NTAQ1: variants seen among roughly 807,000 people sequenced by gnomAD.
The protein encoded by NTAQ1 is protein N-terminal glutamine amidohydrolase.
In NTAQ1, 21 loss-of-function variants were observed where a neutral mutation model predicts 28.2. The observed-to-expected ratio is 0.74, with a 90% CI of 0.53 to 1.07. NTAQ1 has a LOEUF of 1.07. NTAQ1 is among the 50% of genes least tolerant of loss of function. The pLI, the probability that NTAQ1 is intolerant of heterozygous loss-of-function variation, is 0.00. For synonymous variants in NTAQ1, 105 were observed against 90.0 expected, an observed-to-expected ratio of 1.17 and a Z score of -0.94; for missense variants, 264 against 256.6, an observed-to-expected ratio of 1.03 and a Z score of -0.20.
chr8:123,419,101 T>TGAGACAGAGTC (rs1813502107), intron 1 of NTAQ1, among the ~76,000 whole-genome samples: 1 of 108,616 alleles, frequency 9.2e-6, no homozygotes, highest in African/African-American at 3.1e-5. Context: ...TTTTTTTTTT[T>TGAGACAGAGTC]TTTTTTTTTT....
In NTAQ1 at chr8:123,441,379, C is replaced by T. The variant is rs34477091; in HGVS notation, c.582C>T (p.Ser194=). ...KVGWGAVYTL[S]EFTHRFGSKN... is the part of the protein sequence containing the mutation. ...GATGGGGCGCCGTCTACACACTATCCGAATTTACACATCGGTTTGGCAGTA... is the reference window on the plus strand; with the variant it reads ...GATGGGGCGCCGTCTACACACTATCTGAATTTACACATCGGTTTGGCAGTA... The change falls in exon 6 of 6, where the codon TCC becomes TCT. Residue 194 remains serine, a synonymous_variant. Coordinates refer to ENST00000287387, the MANE Select transcript of NTAQ1 (RefSeq NM_018024.3). 3.4e-3 allele frequency: 5,467 copies of T among 1,611,316 alleles called. 18 individuals are homozygous for T. The highest frequency in any genetic ancestry group is 5.1e-3 in the Admixed American group (304 of 59,894).
At chr8:123,453,716 G>A (rs559153916) in intron 6 of NTAQ1, among the ~76,000 whole-genome samples, 22 of 152,284 alleles carry the variant, frequency 1.4e-4, no homozygotes, top group Admixed American at 3.9e-4. Flanking sequence ...GTGAGTCATC[G>A]TGCCTGGCCC....
chr8:123,451,387 G>A (rs894408248), downstream of NTAQ1, among the ~76,000 whole-genome samples: 1 of 152,134 alleles, frequency 6.6e-6, no homozygotes, highest in Non-Finnish European at 1.5e-5. Flanking sequence ...CACCCAGGCT[G>A]GGGTGCAGTG....
At chr8:123,428,067 A>C in intron 2 of NTAQ1, 44 bp downstream of exon 2, 2 of 1,382,766 alleles carry the variant, frequency 1.4e-6, no homozygotes, top group Non-Finnish European at 2.0e-6. Context: ...GAGATTTAGG[A>C]TGACATTAGA....
chr8:123,423,466 G>A (rs1813855206), intron 1 of NTAQ1, among the ~76,000 whole-genome samples: 2 of 138,766 alleles, frequency 1.4e-5, no homozygotes, highest in Admixed American at 7.5e-5. Flanking sequence ...TCTTTCCGGA[G>A]GGTCTTGCTA....
At chr8:123,418,311 TGTG>T (rs1395939965) in intron 1 of NTAQ1, among the ~76,000 whole-genome samples, 3 of 151,928 alleles carry the variant, frequency 2.0e-5, no homozygotes, top group African/African-American at 7.3e-5. Flanking sequence ...ATTAGCCAGG[TGTG>T]GTGGCGTGCA....
intron 5 of NTAQ1, among the ~76,000 whole-genome samples, chr8:123,440,578 C>T (rs2130326970): frequency 6.6e-6 from 1 of 150,982 alleles, no homozygotes; most frequent in South Asian, 2.1e-4. Flanking sequence ...TGGCTCATTA[C>T]ACCCTCCAAC....
downstream of NTAQ1, among the ~76,000 whole-genome samples, chr8:123,448,565 G>A (rs1372354827): frequency 6.6e-6 from 1 of 152,234 alleles, no homozygotes; most frequent in Admixed American, 6.5e-5. Flanking sequence ...GTTGCAGTGA[G>A]CCAAGATTGC....
At chr8:123,443,754 G>C (rs570425932), downstream of NTAQ1, among the ~76,000 whole-genome samples, 1 of 152,090 alleles carries the variant, frequency 6.6e-6, no homozygotes, top group Admixed American at 6.6e-5. Flanking sequence ...TATATTTTTA[G>C]TAGAGATGGG....
At chr8:123,437,169 T>C in intron 4 of NTAQ1, 41 bp from the exon 5 acceptor site, 1 of 1,602,032 alleles carries the variant, frequency 6.2e-7, no homozygotes, top group Non-Finnish European at 8.5e-7. Flanking sequence ...ATTTCAAACA[T>C]GACATCTCCC....
At chr8:123,455,521 G>T (rs1815624720) in intron 6 of NTAQ1, among the ~76,000 whole-genome samples, 1 of 150,402 alleles carries the variant, frequency 6.6e-6, no homozygotes, top group Non-Finnish European at 1.5e-5. Flanking sequence ...CGCCTCCTGG[G>T]TTCAAGCGAT....
chr8:123,469,532 G>GA (rs1207514639), exon 7 of NTAQ1, among the ~76,000 whole-genome samples: 10 of 152,088 alleles, frequency 6.6e-5, no homozygotes, highest in Non-Finnish European at 1.3e-4. Flanking sequence ...TTAACTGCAG[G>GA]AAAAATAACA....
At chr8:123,452,151 G>A (rs563086145), downstream of NTAQ1, among the ~76,000 whole-genome samples, 1 of 152,336 alleles carries the variant, frequency 6.6e-6, no homozygotes, top group African/African-American at 2.4e-5. Context: ...GAGAGCAGGA[G>A]CTCACAGTAT....
intron 6 of NTAQ1, among the ~76,000 whole-genome samples, chr8:123,464,557 A>T (rs1815916788): frequency 6.6e-6 from 1 of 152,128 alleles, no homozygotes. Context: ...AAGGGCCAGG[A>T]GTGCTACCAC....
intron 1 of NTAQ1, among the ~76,000 whole-genome samples, chr8:123,422,627 G>A (rs552950781): frequency 1.5e-5 from 2 of 132,946 alleles, no homozygotes; most frequent in African/African-American, 6.5e-5. Context: ...TTTTTTTGCT[G>A]TGCAGAGCTC....
chr8:123,466,867 G>A (rs1231877318), intron 6 of NTAQ1, among the ~76,000 whole-genome samples: 3 of 152,046 alleles, frequency 2.0e-5, no homozygotes, highest in Admixed American at 2.0e-4. Context: ...CAATAAAGTG[G>A]CATTTTGATT....
At chr8:123,444,178 G>A (rs1024008631), downstream of NTAQ1, among the ~76,000 whole-genome samples, 3 of 151,978 alleles carry the variant, frequency 2.0e-5, no homozygotes, top group African/African-American at 7.2e-5. Context: ...GAAAAGCAGG[G>A]GACTAAAGTA....
At chr8:123,447,517 T>C (rs1217402312) in intron 6 of NTAQ1, among the ~76,000 whole-genome samples, 1 of 152,144 alleles carries the variant, frequency 6.6e-6, no homozygotes, top group Admixed American at 6.6e-5. Context: ...GTTGGCACTA[T>C]TTTTAATCCC....
intron 5 of NTAQ1, among the ~76,000 whole-genome samples, chr8:123,438,672 C>A (rs1365735862): frequency 2.1e-3 from 281 of 132,410 alleles, no homozygotes; most frequent in Middle Eastern, 3.7e-3. Context: ...GATTCCATCT[C>A]AAAAAAAAAA....
Sources: gnomAD v4.1 joint callset for allele counts (sites outside exome capture counted in the v4.1 genomes callset) on GRCh38, gnomAD v4.1.1 for gene constraint, MANE v1.5 for transcripts, NCBI Gene and HGNC (gene_info 2026-07-23, HGNC 2026-07-21) for gene names.